Variants in ZNF385D observed in about 807,000 individuals in gnomAD.
ZNF385D encodes zinc finger protein 385D, also known as zinc finger protein 659.
A neutral mutation model predicts 35.8 loss-of-function variants in ZNF385D; 15 were observed. The ratio of observed to expected loss-of-function variants is 0.42; its 90% confidence interval spans 0.28 to 0.64. ZNF385D has a LOEUF of 0.64. ZNF385D is among the 30% of genes least tolerant of loss of function. ZNF385D has a pLI of 0.23. For synonymous variants in ZNF385D, 212 were observed against 186.8 expected (o/e 1.13, Z -1.10); for missense variants, 474 against 494.6 (o/e 0.96, Z 0.39).
intron 4 of ZNF385D, among the ~76,000 whole-genome samples, chr3:21,442,056 A>C (rs1402508275): frequency 6.6e-6 from 1 of 152,236 alleles, no homozygotes; most frequent in African/African-American, 2.4e-5. Context: ...AGGAAACATC[A>C]GTATTCAAAG....
intron 2 of ZNF385D, among the ~76,000 whole-genome samples, chr3:22,321,255 G>T (rs1316802794): frequency 1.5e-5 from 2 of 137,512 alleles, no homozygotes; most frequent in Non-Finnish European, 3.1e-5. Context: ...ATCATTTTAA[G>T]TGTATTCTGT....
chr3:21,678,340 A>G (rs1159207730), intron 1 of ZNF385D, among the ~76,000 whole-genome samples: 2 of 152,094 alleles, frequency 1.3e-5, no homozygotes, highest in South Asian at 2.1e-4. Context: ...ACATTCTGCA[A>G]CAGCCAGTGT....
At chr3:21,897,128 G>T (rs1254660897) in intron 3 of ZNF385D, among the ~76,000 whole-genome samples, 1 of 152,162 alleles carries the variant, frequency 6.6e-6, no homozygotes, top group East Asian at 1.9e-4. Context: ...GGCTGCAATA[G>T]TCTTGCCCCT....
At chr3:21,684,133 T>A (rs1002910687) in intron 1 of ZNF385D, among the ~76,000 whole-genome samples, 2 of 149,710 alleles carry the variant, frequency 1.3e-5, no homozygotes, top group Non-Finnish European at 3.0e-5. Flanking sequence ...ACTGGTTACA[T>A]ATCCACTGCC....
At chr3:21,718,174 A>G (rs1348897346) in intron 1 of ZNF385D, among the ~76,000 whole-genome samples, 1 of 152,256 alleles carries the variant, frequency 6.6e-6, no homozygotes, top group African/African-American at 2.4e-5. Context: ...GATGTATTTC[A>G]GAAGTAAGCC....
intron 3 of ZNF385D, among the ~76,000 whole-genome samples, chr3:21,825,908 G>A (rs746399679): frequency 2.0e-5 from 3 of 152,182 alleles, no homozygotes; most frequent in Non-Finnish European, 4.4e-5. Flanking sequence ...CCCACCAGCG[G>A]GGGCATTAGA....
chr3:21,859,266 G>A (rs981031874), intron 3 of ZNF385D, among the ~76,000 whole-genome samples: 1 of 152,020 alleles, frequency 6.6e-6, no homozygotes, highest in African/African-American at 2.4e-5. Context: ...TTTATACCCT[G>A]CCCGCAGATT....
intron 3 of ZNF385D, among the ~76,000 whole-genome samples, chr3:21,817,862 T>C (rs917758530): frequency 3.3e-5 from 5 of 152,156 alleles, no homozygotes; most frequent in Non-Finnish European, 4.4e-5. Context: ...CATGCTGCTA[T>C]AAAGACACAT....
chr3:21,816,308 T>C (rs553577054), intron 3 of ZNF385D, among the ~76,000 whole-genome samples: 52 of 152,084 alleles, frequency 3.4e-4, no homozygotes, highest in Non-Finnish European at 5.3e-4. Context: ...CTATGCAAAA[T>C]AGTGTTGGAA....
At chr3:21,506,494 A>G (rs1043153324) in intron 4 of ZNF385D, among the ~76,000 whole-genome samples, 3 of 152,216 alleles carry the variant, frequency 2.0e-5, no homozygotes, top group African/African-American at 4.8e-5. Flanking sequence ...ATGACCTTGT[A>G]CAGAACTTAT....
chr3:21,621,888 T>TGC (rs2065018275), intron 2 of ZNF385D, among the ~76,000 whole-genome samples: 1 of 151,780 alleles, frequency 6.6e-6, no homozygotes, highest in African/African-American at 2.4e-5. Flanking sequence ...TGTGTGTGTG[T>TGC]GTGTGTGCGT....
intron 3 of ZNF385D, among the ~76,000 whole-genome samples, chr3:21,926,645 T>A (rs531769687): frequency 5.9e-5 from 9 of 152,070 alleles, no homozygotes; most frequent in Non-Finnish European, 2.9e-5. Context: ...ATACAAAAAT[T>A]AACTCAAGAT....
chr3:22,068,988 C>CTAA (rs1700101586), intron 3 of ZNF385D, among the ~76,000 whole-genome samples: 1 of 152,158 alleles, frequency 6.6e-6, no homozygotes. Context: ...TCTCCCTTAC[C>CTAA]CTCAGCTTTA....
chr3:21,418,851 G>T lies in ZNF385D; in HGVS notation c.*2363C>A, dbSNP rs1700621467. On this transcript the variant is annotated 3_prime_UTR_variant, in exon 8 of 8. Coordinates refer to ENST00000281523, the MANE Select transcript of ZNF385D (RefSeq NM_024697.3). ...GAAAATCAAAATATTTGACATAGCA[G>T]AAAAGGGAAACTAAAGTTCAAAATG... The T allele has an allele frequency of 6.6e-6, 1 of 152,140 alleles. No homozygotes were observed. The highest frequency in any genetic ancestry group is 2.4e-5 in the African/African-American group (1 of 41,434). 9.4% of individuals were successfully genotyped at this position (152,140 alleles called of 1,614,324 possible).
At chr3:21,740,173 A>G (rs2069441447) in intron 1 of ZNF385D, among the ~76,000 whole-genome samples, 1 of 152,206 alleles carries the variant, frequency 6.6e-6, no homozygotes, top group Non-Finnish European at 1.5e-5. Context: ...ACCATGGACC[A>G]TGCGGTGTCT....
At chr3:21,667,422 A>G (rs2066441697) in intron 1 of ZNF385D, among the ~76,000 whole-genome samples, 1 of 152,200 alleles carries the variant, frequency 6.6e-6, no homozygotes, top group Non-Finnish European at 1.5e-5. Flanking sequence ...TCGGCCTCCC[A>G]AAGTGCTGGG....
At chr3:21,852,857 A>G (rs1332654047) in intron 3 of ZNF385D, among the ~76,000 whole-genome samples, 1 of 151,902 alleles carries the variant, frequency 6.6e-6, no homozygotes, top group East Asian at 1.9e-4. Context: ...ATTCAAAGAA[A>G]TAATGTTCTC....
At chr3:21,645,409 G>A (rs1254001746) in intron 2 of ZNF385D, among the ~76,000 whole-genome samples, 3 of 152,170 alleles carry the variant, frequency 2.0e-5, no homozygotes, top group Non-Finnish European at 4.4e-5. Context: ...GCAGACACTA[G>A]TTTAAGCTAC....
At chr3:21,543,374 G>T (rs572381439) in intron 3 of ZNF385D, among the ~76,000 whole-genome samples, 1 of 152,176 alleles carries the variant, frequency 6.6e-6, no homozygotes, top group Non-Finnish European at 1.5e-5. Context: ...GCATATGGGA[G>T]ACCGCTCCCC....
Sources: allele counts gnomAD v4.1 joint callset (sites outside exome capture counted in the v4.1 genomes callset), GRCh38; gene constraint gnomAD v4.1.1; transcripts MANE v1.5; gene names NCBI Gene and HGNC (gene_info 2026-07-23, HGNC 2026-07-21).